Variants in MLXIPL observed in about 807,000 individuals in gnomAD.
MLXIPL encodes MLX interacting protein like.
A neutral mutation model predicts 81.5 loss-of-function variants in MLXIPL; 49 were observed. That is an observed-to-expected ratio of 0.60 (90% confidence interval 0.48 to 0.76). The LOEUF is 0.76. Ranked by LOEUF, MLXIPL falls within the 30% of genes least tolerant of loss-of-function variation. The pLI, the probability that MLXIPL is intolerant of heterozygous loss-of-function variation, is 0.00. For synonymous variants in MLXIPL, 466 were observed against 485.5 expected, an observed-to-expected ratio of 0.96 and a Z score of 0.53; for missense variants, 1,053 against 1,167.0, an observed-to-expected ratio of 0.90 and a Z score of 1.42.
upstream of MLXIPL, among the ~76,000 whole-genome samples, chr7:73,627,908 CTCTG>C (rs1363288292): frequency 6.6e-6 from 1 of 152,090 alleles, no homozygotes; most frequent in Non-Finnish European, 1.5e-5. Flanking sequence ...CTGGGGAGAT[CTCTG>C]TCTCTCTGTC....
intron 7 of MLXIPL, among the ~76,000 whole-genome samples, chr7:73,603,343 C>T (rs1452155212): frequency 6.6e-6 from 1 of 152,228 alleles, no homozygotes; most frequent in African/African-American, 2.4e-5. Flanking sequence ...CTCCTAGCCC[C>T]AGTCCCTGCT....
chr7:73,624,224 A>G lies in MLXIPL; in HGVS notation c.269T>C (p.Phe90Ser). ...CCTGTAGGCCAGGCTCAAGCACTCG[A>G]AGAGGCGTGTGAGTGTGGGGTCGAT... ...RSIDPTLTRL[F>S]ECLSLAYSGK... The change falls in exon 1 of 17, where the codon TTC becomes TCC. Residue 90 changes from phenylalanine to serine, a missense_variant. Physicochemically the swap from Phe to Ser is radical, Grantham distance 155. Transcript: ENST00000313375. The G allele has an allele frequency of 6.3e-7, 1 of 1,590,428 alleles. No individual in the cohort carries two copies. Among genetic ancestry groups the G allele is most frequent in the Non-Finnish European group, 8.6e-7 (1 of 1,169,120 alleles).
the MLXIPL span, among the ~76,000 whole-genome samples, chr7:73,636,261 T>C: frequency 1.8e-3 from 274 of 151,724 alleles, no homozygotes; most frequent in African/African-American, 6.0e-3. Flanking sequence ...AACACAAAAA[T>C]TAGCCGGATC....
the MLXIPL span, among the ~76,000 whole-genome samples, chr7:73,635,318 G>A: frequency 6.6e-6 from 1 of 152,072 alleles, no homozygotes; most frequent in Non-Finnish European, 1.5e-5. Context: ...AGAAGAAGGG[G>A]AGGAAGGACA....
At chr7:73,639,701 G>A in the MLXIPL span, among the ~76,000 whole-genome samples, 11 of 152,146 alleles carry the variant, frequency 7.2e-5, no homozygotes, top group Non-Finnish European at 1.3e-4. Context: ...GTAAATGCCA[G>A]CTCTCATTAT....
At chr7:73,624,141 GAC>G (rs1796562742) in intron 1 of MLXIPL, 57 bp downstream of exon 1, 2 of 1,320,912 alleles carry the variant, frequency 1.5e-6, no homozygotes, top group Non-Finnish European at 1.0e-6. Flanking sequence ...TCCTGCCCCG[GAC>G]CCCCCCCCCA....
upstream of MLXIPL, among the ~76,000 whole-genome samples, chr7:73,626,283 G>T (rs1554603817): frequency 1.3e-5 from 2 of 148,764 alleles, no homozygotes; most frequent in East Asian, 4.0e-4. Context: ...GGGATTCCAG[G>T]CATGCGCCAC....
chr7:73,630,501 C>T, the MLXIPL span, among the ~76,000 whole-genome samples: 16 of 151,760 alleles, frequency 1.1e-4, no homozygotes, highest in Non-Finnish European at 2.1e-4. Context: ...CCATGTTGGC[C>T]AGGCTGGTCT....
intron 1 of MLXIPL, among the ~76,000 whole-genome samples, chr7:73,619,932 A>AAAAC (rs1213820246): frequency 6.6e-6 from 1 of 151,976 alleles, no homozygotes; most frequent in Non-Finnish European, 1.5e-5. Flanking sequence ...TCCGTCTCAA[A>AAAAC]AAACAAACAA....
chr7:73,616,674 C>A (rs1213114932), intron 1 of MLXIPL, among the ~76,000 whole-genome samples: 1 of 151,968 alleles, frequency 6.6e-6, no homozygotes, highest in Non-Finnish European at 1.5e-5. Context: ...CATACTGAAG[C>A]CCTGTCTCTA....
In MLXIPL at chr7:73,596,667, C is replaced by G; in HGVS notation, c.1794G>C (p.Ala598=). ...APSRPLLVPK[A]ERLSPPAPSG... ...TGGGCGCTGGGGGTGAGAGCCGCTC[C>G]GCTTTGGGGACAAGCAGGGGCCTGG... The change falls in exon 11 of 17, where the codon GCG becomes GCC. Residue 598 remains alanine (A), a synonymous_variant. Transcript: ENST00000313375. The surrounding 1 kb of genome is among the most constrained non-coding windows in gnomAD (Gnocchi z 4.7). 6.3e-7 allele frequency: 1 copy of G among 1,589,718 alleles called. No individual in the cohort carries two copies. Among genetic ancestry groups the G allele is most frequent in the Non-Finnish European group, 8.6e-7 (1 of 1,167,848 alleles).
At chr7:73,618,483 G>T (rs1554601263) in intron 1 of MLXIPL, among the ~76,000 whole-genome samples, 1 of 150,676 alleles carries the variant, frequency 6.6e-6, no homozygotes, top group Non-Finnish European at 1.5e-5. Flanking sequence ...GTGGGTGCCA[G>T]TCTGACTCCG....
chr7:73,643,375 A>G, the MLXIPL span, among the ~76,000 whole-genome samples: 6 of 152,076 alleles, frequency 3.9e-5, no homozygotes, highest in Non-Finnish European at 8.8e-5. Context: ...TTGGCCGGGC[A>G]TGGTGGCGGG....
At chr7:73,642,695 C>T in the MLXIPL span, among the ~76,000 whole-genome samples, 1 of 152,134 alleles carries the variant, frequency 6.6e-6, no homozygotes, top group East Asian at 1.9e-4. Context: ...AGGGTCTTGC[C>T]ATGTTGCCCA....
Position 73,607,340 on chromosome 7 carries a change from G to A in MLXIPL, c.564C>T (p.Tyr188=), listed in dbSNP as rs781928279. ...MREYHKWRIY[Y]KKRLRKPSRE... is the part of the protein sequence containing the mutation. ...GCCCTCCCCCACTGACCCGCTTCTT[G>A]TAGTAGATGCGCCACTTGTGGTATT... The change falls in exon 4 of 17, where the codon TAC becomes TAT. Residue 188 remains tyrosine (Y), a synonymous_variant. Transcript: ENST00000313375. 2 of 1,564,780 alleles carry A rather than the reference G, an allele frequency of 1.3e-6. No individual in the cohort carries two copies. Among genetic ancestry groups the A allele is most frequent in the Non-Finnish European group, 1.7e-6 (2 of 1,154,172 alleles).
chr7:73,602,552 C>T (rs1554596687), intron 7 of MLXIPL, among the ~76,000 whole-genome samples: 2 of 150,940 alleles, frequency 1.3e-5, no homozygotes, highest in African/African-American at 4.9e-5. Context: ...TGGTGGCGGG[C>T]GCCTGTAGTC....
At chr7:73,602,391 C>A (rs1357022923) in intron 7 of MLXIPL, among the ~76,000 whole-genome samples, 1 of 150,494 alleles carries the variant, frequency 6.6e-6, no homozygotes, top group African/African-American at 2.4e-5. Flanking sequence ...GGGGACCAGG[C>A]CAGGCGCGGT....
upstream of MLXIPL, chr7:73,624,665 C>A: frequency 7.8e-7 from 1 of 1,277,080 alleles, no homozygotes; most frequent in Non-Finnish European, 1.0e-6. Flanking sequence ...CAGGTGAGAA[C>A]CCGGTGCTCT....
the MLXIPL span, among the ~76,000 whole-genome samples, chr7:73,644,021 C>T: frequency 2.6e-5 from 4 of 152,022 alleles, no homozygotes; most frequent in Non-Finnish European, 5.9e-5. Context: ...CCTTCTGCCT[C>T]AGCCTCCTGA....
Sources: gnomAD v4.1 joint callset for allele counts (sites outside exome capture counted in the v4.1 genomes callset) on GRCh38, gnomAD v4.1.1 for gene constraint, Gnocchi (gnomAD v3.1) non-coding constraint, MANE v1.5 for transcripts, NCBI Gene and HGNC (gene_info 2026-07-23, HGNC 2026-07-21) for gene names.